The following TMEM132D variants were observed in gnomAD, a reference collection of about 807,000 sequenced individuals.
The protein encoded by TMEM132D is transmembrane protein 132D.
In TMEM132D, 21 loss-of-function variants were observed where a neutral mutation model predicts 62.3. The ratio of observed to expected loss-of-function variants is 0.34; its 90% CI spans 0.24 to 0.49. The LOEUF (loss-of-function observed/expected upper bound fraction) is 0.49. Ranked by LOEUF, TMEM132D falls within the 20% of genes least tolerant of loss-of-function variation. The probability of loss-of-function intolerance (pLI) is 0.99; values close to 1 mark genes in which losing one functional copy is unlikely to be tolerated. For missense variants in TMEM132D, 1,346 were observed against 1,402.8 expected, an observed-to-expected ratio of 0.96 and a Z score of 0.65; for synonymous variants, 621 against 575.6, an observed-to-expected ratio of 1.08 and a Z score of -1.13.
At chr12:129,210,545 G>A (rs1879008555) in intron 4 of TMEM132D, among the ~76,000 whole-genome samples, 1 of 152,118 alleles carries the variant, frequency 6.6e-6, no homozygotes, top group South Asian at 2.1e-4. Context: ...GTCCCGGCTT[G>A]CCCCAAGTAT....
At chr12:129,110,342 C>T (rs971951109) in intron 5 of TMEM132D, 1 of 152,000 alleles carries the variant, frequency 6.6e-6, no homozygotes, top group East Asian at 1.9e-4. Context: ...CCTGTCTACC[C>T]TCCCTCCCGA....
At chr12:129,751,123 A>G (rs954508532) in intron 1 of TMEM132D, among the ~76,000 whole-genome samples, 6 of 152,134 alleles carry the variant, frequency 3.9e-5, no homozygotes, top group Admixed American at 3.3e-4. Flanking sequence ...CATTTTCACA[A>G]TGCTATAAAG....
chr12:129,356,931 AGAGGGGAGGG>A (rs766252229), intron 3 of TMEM132D, among the ~76,000 whole-genome samples: 643 of 51,958 alleles, frequency 0.012, 21 homozygotes, highest in African/African-American at 0.047. Context: ...AGAGGAGAGG[AGAGGGGAGGG>A]GAGGGGAGGG....
chr12:129,885,444 G>C (rs1178323098), intron 1 of TMEM132D, among the ~76,000 whole-genome samples: 3 of 152,182 alleles, frequency 2.0e-5, no homozygotes, highest in African/African-American at 7.2e-5. Context: ...ATCACTTTGG[G>C]AGCTTTGAAA....
intron 2 of TMEM132D, among the ~76,000 whole-genome samples, chr12:129,613,082 A>G (rs1034640102): frequency 2.6e-5 from 4 of 152,154 alleles, no homozygotes; most frequent in Non-Finnish European, 4.4e-5. Context: ...TAAAATACTA[A>G]CATTCTGATA....
At chr12:129,617,539 T>C (rs1029114725) in intron 2 of TMEM132D, among the ~76,000 whole-genome samples, 3 of 151,334 alleles carry the variant, frequency 2.0e-5, no homozygotes, top group African/African-American at 7.3e-5. Context: ...AGATCTTGTA[T>C]ATACCATTCC....
rs115423587 is a variant in TMEM132D at position 129,460,252 on chromosome 12, G to A, written c.1115+70807C>T. The stretch of plus-strand genomic sequence containing the variant: ...GTGCTTGTGTATTCCCGTGATGTCC[G>A]TGGATTCTTCTGATCTAGACACATC... On this transcript the variant is annotated intron_variant, in intron 3 of 8. Transcript: ENST00000422113. Among the ~76,000 whole-genome samples the A allele has an allele frequency of 8.0e-3, 1,223 of 152,238 alleles. 18 individuals are homozygous for A. The highest frequency in any genetic ancestry group is 0.028 in the African/African-American group (1,162 of 41,526).
chr12:129,263,019 G>A (rs1880592527), intron 4 of TMEM132D, among the ~76,000 whole-genome samples: 1 of 152,178 alleles, frequency 6.6e-6, no homozygotes, highest in African/African-American at 2.4e-5. Flanking sequence ...GAATGAGAAA[G>A]TCGCGTCTGA....
intron 3 of TMEM132D, among the ~76,000 whole-genome samples, chr12:129,380,523 C>T (rs1593357848): frequency 6.6e-6 from 1 of 151,956 alleles, no homozygotes; most frequent in East Asian, 1.9e-4. Flanking sequence ...AGATAATCCA[C>T]AGATCTTAGA....
intron 1 of TMEM132D, among the ~76,000 whole-genome samples, chr12:129,718,695 G>A (rs1868688722): frequency 6.6e-6 from 1 of 152,014 alleles, no homozygotes; most frequent in Admixed American, 6.6e-5. Flanking sequence ...CATTTTATAG[G>A]TTAAAAAAAT....
chr12:129,588,602 T>G (rs1358893159), intron 2 of TMEM132D, among the ~76,000 whole-genome samples: 1 of 151,962 alleles, frequency 6.6e-6, no homozygotes, highest in Non-Finnish European at 1.5e-5. Flanking sequence ...TTTGAGACAG[T>G]CTTGCTCTGC....
chr12:129,330,595 T>C (rs61943942), intron 4 of TMEM132D, among the ~76,000 whole-genome samples: 21,199 of 152,172 alleles, frequency 0.14, 1,981 homozygotes, highest in Non-Finnish European at 0.2. Context: ...ACTGGTGGCA[T>C]TGTAAGAGGA....
At chr12:129,609,481 G>C (rs1311499999) in intron 2 of TMEM132D, among the ~76,000 whole-genome samples, 1 of 152,162 alleles carries the variant, frequency 6.6e-6, no homozygotes, top group African/African-American at 2.4e-5. Context: ...AAAAGCGACA[G>C]GAAAACTGAC....
At chr12:129,737,749 GT>G (rs984787802) in intron 1 of TMEM132D, among the ~76,000 whole-genome samples, 17 of 152,316 alleles carry the variant, frequency 1.1e-4, no homozygotes, top group African/African-American at 4.1e-4. Flanking sequence ...AAATATAGAC[GT>G]TTTAGCAAAT....
chr12:129,386,707 T>G (rs967958881), intron 3 of TMEM132D, among the ~76,000 whole-genome samples: 6 of 137,770 alleles, frequency 4.4e-5, no homozygotes, highest in African/African-American at 1.7e-4. Context: ...CCAATGCCAA[T>G]GCCAACACTA....
At chr12:129,443,091 G>T (rs1368587249) in intron 3 of TMEM132D, among the ~76,000 whole-genome samples, 9 of 152,080 alleles carry the variant, frequency 5.9e-5, no homozygotes, top group Admixed American at 5.2e-4. Context: ...GCTCCCCTTG[G>T]GGTCGGCTGA....
chr12:129,462,249 G>A (rs1335948306), intron 3 of TMEM132D, among the ~76,000 whole-genome samples: 1 of 152,110 alleles, frequency 6.6e-6, no homozygotes, highest in Non-Finnish European at 1.5e-5. Flanking sequence ...CGGGGATGTG[G>A]AATAAAGACG....
intron 3 of TMEM132D, among the ~76,000 whole-genome samples, chr12:129,392,997 T>C (rs1871329872): frequency 6.6e-6 from 1 of 152,244 alleles, no homozygotes; most frequent in African/African-American, 2.4e-5. Flanking sequence ...CCAATCTACG[T>C]TACAGGTGCA....
intron 5 of TMEM132D, among the ~76,000 whole-genome samples, chr12:129,120,871 A>C (rs1280896786): frequency 1.3e-5 from 2 of 151,922 alleles, no homozygotes; most frequent in Non-Finnish European, 2.9e-5. Flanking sequence ...ACTTTCTATT[A>C]GTTTAGAATT....
Sources: gnomAD v4.1 joint callset for allele counts (sites outside exome capture counted in the v4.1 genomes callset) on GRCh38, gnomAD v4.1.1 for gene constraint, MANE v1.5 for transcripts, NCBI Gene and HGNC (gene_info 2026-07-23, HGNC 2026-07-21) for gene names.